Variants in CNTLN observed in about 807,000 individuals in gnomAD.
CNTLN encodes centlein.
Under a neutral mutation model 180.0 loss-of-function variants are expected in CNTLN, and 212 were observed. The ratio of observed to expected loss-of-function variants is 1.18; its 90% CI spans 1.05 to 1.32. CNTLN has a LOEUF of 1.32. CNTLN is among the 40% of genes most tolerant of loss of function. The pLI is 0.00. For synonymous variants in CNTLN, 722 were observed against 563.1 expected (o/e 1.28, Z -3.99); for missense variants, 2,095 against 1,610.9 (o/e 1.30, Z -5.14).
chr9:17,454,591 A>G (rs2134137622), intron 18 of CNTLN, among the ~76,000 whole-genome samples: 1 of 152,338 alleles, frequency 6.6e-6, no homozygotes, highest in African/African-American at 2.4e-5. Flanking sequence ...TCAGCCTTTA[A>G]CACGCTTCTC....
At position 17,404,801 on chromosome 9, in the gene CNTLN, G is replaced by A. The variant is rs997444633; in HGVS notation, c.2616-4492G>A. Among the ~76,000 whole-genome samples the A allele has an allele frequency of 2.6e-4, 39 of 148,114 alleles. 2 individuals carry two copies. The highest frequency in any genetic ancestry group is 9.1e-4 in the African/African-American group (36 of 39,654). On this transcript the variant is annotated intron_variant, in intron 15 of 25. Coordinates refer to ENST00000380647, the MANE Select transcript of CNTLN (RefSeq NM_017738.4). The stretch of plus-strand genomic sequence containing the variant: ...CTGCCAGGCTGGAGTACAGTGGCGC[G>A]ATCTTGGCTCACTGCAGGCTCCACC...
At chr9:17,421,354 T>G (rs2133923333) in intron 18 of CNTLN, among the ~76,000 whole-genome samples, 1 of 152,244 alleles carries the variant, frequency 6.6e-6, no homozygotes, top group South Asian at 2.1e-4. Flanking sequence ...TTTTTTTGTC[T>G]CAAATTTTAA....
chr9:17,344,372 T>A (rs1821715126), intron 12 of CNTLN, among the ~76,000 whole-genome samples: 1 of 152,176 alleles, frequency 6.6e-6, no homozygotes, highest in Non-Finnish European at 1.5e-5. Flanking sequence ...ATTTTTTAGA[T>A]CAGTCTTAAT....
rs1348734986 is a variant in CNTLN at position 17,332,733 on chromosome 9, G to T, written c.1644+3G>T. On this transcript the variant is annotated splice_donor_region_variant and intron_variant, in intron 10 of 25. Coordinates refer to ENST00000380647, the MANE Select transcript of CNTLN (RefSeq NM_017738.4). ...TAGAGAAGGCACTACAACTAAAGGT[G>T]AACATTAAATCATTTCTTTAGTAGT... is the stretch of plus-strand genomic sequence containing the variant. The T allele has an allele frequency of 1.3e-6, 2 of 1,578,886 alleles. No homozygotes were observed. Among genetic ancestry groups the T allele is most frequent in the South Asian group, 2.4e-5 (2 of 84,684 alleles).
At chr9:17,296,787 T>G (rs614471) in intron 6 of CNTLN, among the ~76,000 whole-genome samples, 30,289 of 152,042 alleles carry the variant, frequency 0.2, 3,722 homozygotes, top group African/African-American at 0.34. Flanking sequence ...ACAGGAAAAT[T>G]GTGTATATCC....
At chr9:17,400,430 C>G in intron 15 of CNTLN, among the ~76,000 whole-genome samples, 1 of 152,160 alleles carries the variant, frequency 6.6e-6, no homozygotes, top group African/African-American at 2.4e-5. Context: ...AGCCACTGTG[C>G]CTGGCCAACT....
chr9:17,452,984 T>C (rs1295974144), intron 18 of CNTLN, among the ~76,000 whole-genome samples: 1 of 151,972 alleles, frequency 6.6e-6, no homozygotes, highest in African/African-American at 2.4e-5. Context: ...AAATGGAACA[T>C]ACAAATAAAT....
intron 1 of CNTLN, among the ~76,000 whole-genome samples, chr9:17,136,313 C>G (rs967073771): frequency 3.9e-5 from 6 of 152,164 alleles, no homozygotes; most frequent in African/African-American, 1.4e-4. Context: ...ATCAAAGTAA[C>G]TTTGTGAACA....
intron 8 of CNTLN, among the ~76,000 whole-genome samples, chr9:17,312,553 ATTTTTTTTTTT>A (rs56915301): frequency 1.9e-4 from 19 of 100,424 alleles, no homozygotes; most frequent in African/African-American, 5.6e-4. Flanking sequence ...AGCCCGGCTA[ATTTTTTTTTTT>A]TTTTTTTTTT....
Position 17,298,236 on chromosome 9 carries a change from C to A in CNTLN, c.1030C>A (p.His344Asn). ...GAATCTTTACAAACAGAACAGTACA[C>A]ATACAGCCCAGCAAGCAGAGCTGAT... is the stretch of plus-strand genomic sequence containing the variant. ...LQNLYKQNST[H>N]TAQQAELIQQ... The change falls in exon 7 of 26, where the codon CAT becomes AAT. Residue 344 changes from histidine (H) to asparagine (N), a missense_variant. By Grantham distance (68) the His-to-Asn change is moderately conservative. Transcript: ENST00000380647. The A allele has an allele frequency of 6.2e-7, 1 of 1,610,822 alleles. No homozygotes were observed. The highest frequency in any genetic ancestry group is 8.5e-7 in the Non-Finnish European group (1 of 1,178,930).
intron 2 of CNTLN, chr9:17,166,902 A>G (rs527667642): frequency 1.3e-5 from 6 of 461,438 alleles, no homozygotes; most frequent in South Asian, 4.8e-5. Context: ...GTGAGATCCA[A>G]CACATGAATA....
chr9:17,295,344 C>T (rs1218475122), intron 6 of CNTLN, among the ~76,000 whole-genome samples: 2 of 152,172 alleles, frequency 1.3e-5, no homozygotes, highest in African/African-American at 2.4e-5. Flanking sequence ...CAAGGTGGCG[C>T]GGAGAGCGAG....
chr9:17,245,264 G>C (rs1223650331), intron 5 of CNTLN, among the ~76,000 whole-genome samples: 1 of 151,130 alleles, frequency 6.6e-6, no homozygotes, highest in Non-Finnish European at 1.5e-5. Context: ...GCTTTTGTTT[G>C]TCTGGGAAAG....
In CNTLN at chr9:17,135,174, G is replaced by T. The variant is rs1817611069; in HGVS notation, c.109G>T (p.Glu37Ter). 6.2e-7 allele frequency: 1 copy of T among 1,610,252 alleles called. No individual in the cohort carries two copies. Among genetic ancestry groups the T allele is most frequent in the Admixed American group, 1.7e-5 (1 of 59,548 alleles). Reference sequence around the variant, plus strand: ...AGCTGAAGTACACGCAATGCGCAGCGAGGCCTCGGGTTTTGCCGGCGCAGC... The same window carrying T: ...AGCTGAAGTACACGCAATGCGCAGCTAGGCCTCGGGTTTTGCCGGCGCAGC... ...RGAEVHAMRS[E>*]ASGFAGAARE... Residue 37 changes from glutamate to a stop codon, truncating the protein, a stop_gained, in exon 1 of 26, where the codon GAG becomes TAG. Coordinates refer to ENST00000380647, the MANE Select transcript of CNTLN (RefSeq NM_017738.4). LOFTEE classifies it high-confidence loss of function.
chr9:17,221,224 T>C (rs1824115047), intron 2 of CNTLN, among the ~76,000 whole-genome samples: 1 of 152,102 alleles, frequency 6.6e-6, no homozygotes, highest in Non-Finnish European at 1.5e-5. Flanking sequence ...TGAGATAATA[T>C]ATTAGTGACA....
chr9:17,196,571 G>T (rs180896868), intron 2 of CNTLN, among the ~76,000 whole-genome samples: 103 of 151,888 alleles, frequency 6.8e-4, no homozygotes, highest in Non-Finnish European at 1.3e-4. Flanking sequence ...AACCACTGAA[G>T]ACTTTAAAAA....
intron 23 of CNTLN, 93 bp from the exon 24 acceptor site, chr9:17,484,201 AT>A (rs1320573796): frequency 1.1e-5 from 11 of 984,566 alleles, no homozygotes; most frequent in African/African-American, 9.9e-5. Flanking sequence ...TAGTAAAAAA[AT>A]GATTTGTTAG....
intron 12 of CNTLN, among the ~76,000 whole-genome samples, chr9:17,357,621 C>CTT (rs1822958971): frequency 6.8e-6 from 1 of 146,072 alleles, no homozygotes; most frequent in South Asian, 2.1e-4. Flanking sequence ...ATAAATACTA[C>CTT]ATATATATAT....
At chr9:17,472,708 G>A (rs1588071993) in intron 23 of CNTLN, among the ~76,000 whole-genome samples, 2 of 152,202 alleles carry the variant, frequency 1.3e-5, no homozygotes, top group South Asian at 2.1e-4. Context: ...CTCATACAGT[G>A]AAAAATTGTC....
Sources: allele counts gnomAD v4.1 joint callset (sites outside exome capture counted in the v4.1 genomes callset), GRCh38; gene constraint gnomAD v4.1.1; transcripts MANE v1.5; gene names NCBI Gene and HGNC (gene_info 2026-07-23, HGNC 2026-07-21).